Variants in XIRP2 observed in about 807,000 individuals in gnomAD.
XIRP2 encodes xin actin binding repeat containing 2, also known as xin actin-binding repeat-containing protein 2.
XIRP2 carries 236 observed loss-of-function variants against 277.0 expected under a neutral mutation model. The observed-to-expected ratio is 0.85, with a 90% CI of 0.77 to 0.95. The LOEUF (loss-of-function observed/expected upper bound fraction) is 0.95, where lower values mean the gene tolerates loss of function less well. Ranked by LOEUF, XIRP2 falls within the 40% of genes least tolerant of loss-of-function variation. XIRP2 has a pLI of 0.00. For synonymous variants in XIRP2, 1,490 were observed against 1,416.5 expected (o/e 1.05, Z -1.17); for missense variants, 4,640 against 4,157.5 (o/e 1.12, Z -3.19).
At position 167,243,873 on chromosome 2, in the gene XIRP2, C is replaced by G; in HGVS notation, c.2481C>G (p.Ile827Met). ...AAATCAAAGAGTCAGAAGAGGTCATCATTGAAAAGGAAAAAATAATAGGTA... is the reference window on the plus strand; with the variant it reads ...AAATCAAAGAGTCAGAAGAGGTCATGATTGAAAAGGAAAAAATAATAGGTA... ...LEKIKESEEV[I>M]IEKEKIIGTD... The change falls in exon 9 of 11, where the codon ATC becomes ATG. Residue 827 changes from isoleucine (I) to methionine (M), a missense_variant. Coordinates refer to ENST00000409195, the MANE Select transcript of XIRP2 (RefSeq NM_152381.6). The G allele has an allele frequency of 2.5e-6, 4 of 1,613,796 alleles. No homozygotes were observed. Among genetic ancestry groups the G allele is most frequent in the Non-Finnish European group, 3.4e-6 (4 of 1,179,888 alleles).
At chr2:167,257,827 A>G (rs531911347) in intron 10 of XIRP2, 30 bp from the exon 11 acceptor site, 4 of 1,553,662 alleles carry the variant, frequency 2.6e-6, no homozygotes, top group Admixed American at 4.1e-5. Flanking sequence ...GTAAATACGA[A>G]CTGCTAAGTG....
intron 2 of XIRP2, among the ~76,000 whole-genome samples, chr2:167,032,795 C>A (rs777912903): frequency 5.9e-5 from 9 of 152,134 alleles, no homozygotes; most frequent in Non-Finnish European, 1.0e-4. Context: ...CAGGAAACAA[C>A]AGATGCTGGA....
intron 1 of XIRP2, among the ~76,000 whole-genome samples, chr2:166,898,606 T>C (rs181584380): frequency 5.5e-4 from 84 of 152,262 alleles, no homozygotes; most frequent in African/African-American, 2.0e-3. Context: ...TACATAACTA[T>C]AGTACATTAT....
At chr2:166,985,901 G>A in intron 2 of XIRP2, among the ~76,000 whole-genome samples, 1 of 152,132 alleles carries the variant, frequency 6.6e-6, no homozygotes, top group East Asian at 1.9e-4. Context: ...CATCTGGGAA[G>A]AAAAGATACA....
At chr2:166,927,942 AAATGTTAAAG>A (rs1332179446) in intron 2 of XIRP2, among the ~76,000 whole-genome samples, 1 of 152,144 alleles carries the variant, frequency 6.6e-6, no homozygotes, top group Non-Finnish European at 1.5e-5. Flanking sequence ...GGGAAATTAG[AAATGTTAAAG>A]AATGTTAAAG....
intron 3 of XIRP2, among the ~76,000 whole-genome samples, chr2:167,195,549 C>T (rs1321009678): frequency 2.0e-5 from 3 of 152,292 alleles, no homozygotes; most frequent in South Asian, 2.1e-4. Context: ...TGAATCCACT[C>T]ACAGCATCTG....
At chr2:167,157,887 C>T (rs1692246355) in intron 3 of XIRP2, among the ~76,000 whole-genome samples, 2 of 151,788 alleles carry the variant, frequency 1.3e-5, no homozygotes, top group Admixed American at 1.3e-4. Context: ...TGATAACTAT[C>T]TAGTAATTTT....
chr2:166,931,537 G>A (rs1370903823), intron 2 of XIRP2, among the ~76,000 whole-genome samples: 1 of 152,006 alleles, frequency 6.6e-6, no homozygotes, highest in Non-Finnish European at 1.5e-5. Flanking sequence ...ATTCTTTTGT[G>A]TCTATTTTTT....
At chr2:167,137,910 G>A (rs946828811) in intron 3 of XIRP2, among the ~76,000 whole-genome samples, 1 of 152,002 alleles carries the variant, frequency 6.6e-6, no homozygotes. Context: ...CTTTCATGGG[G>A]CCCCAAATTT....
chr2:167,095,419 T>G (rs1690273956), intron 2 of XIRP2, among the ~76,000 whole-genome samples: 1 of 152,202 alleles, frequency 6.6e-6, no homozygotes, highest in African/African-American at 2.4e-5. Context: ...CTTCCAGCTT[T>G]TGCCCATTCA....
At chr2:167,021,830 T>C (rs147271568) in intron 2 of XIRP2, among the ~76,000 whole-genome samples, 1 of 152,114 alleles carries the variant, frequency 6.6e-6, no homozygotes, top group East Asian at 1.9e-4. Context: ...GTCTCAAAAA[T>C]AAAATTTTTT....
chr2:167,006,303 A>C (rs1357016683), intron 2 of XIRP2, among the ~76,000 whole-genome samples: 1 of 151,678 alleles, frequency 6.6e-6, no homozygotes, highest in Non-Finnish European at 1.5e-5. Flanking sequence ...GTAGATGGCA[A>C]AGGAGCCCAC....
intron 2 of XIRP2, among the ~76,000 whole-genome samples, chr2:167,053,904 A>T (rs562274590): frequency 3.3e-4 from 50 of 152,344 alleles, no homozygotes; most frequent in Non-Finnish European, 5.9e-4. Context: ...GAGTGAGAAG[A>T]TGCAAAAAAA....
At chr2:167,149,437 A>G (rs571346341) in intron 3 of XIRP2, among the ~76,000 whole-genome samples, 146 of 152,298 alleles carry the variant, frequency 9.6e-4, no homozygotes, top group African/African-American at 3.3e-3. Context: ...AATTATGCCC[A>G]TGTAAACATC....
intron 1 of XIRP2, among the ~76,000 whole-genome samples, chr2:166,900,696 C>A (rs901532543): frequency 2.0e-5 from 3 of 152,080 alleles, no homozygotes; most frequent in Non-Finnish European, 2.9e-5. Flanking sequence ...TGCCATCACC[C>A]CTGCTGGCTG....
chr2:167,178,815 C>T (rs1477771539), intron 3 of XIRP2, among the ~76,000 whole-genome samples: 1 of 152,024 alleles, frequency 6.6e-6, no homozygotes, highest in East Asian at 1.9e-4. Context: ...CATATCTATT[C>T]GTGTGTTACT....
chr2:166,903,453 T>G lies in XIRP2; in HGVS notation c.-18-12T>G. 6.3e-7 allele frequency: 1 copy of G among 1,584,846 alleles called. No homozygotes were observed. Among genetic ancestry groups the G allele is most frequent in the African/African-American group, 1.3e-5 (1 of 74,148 alleles). ...GAGTGTATCACTGATAAAAGGATTC[T>G]TGATATTGCAGGACAACCTGGACCC... On this transcript the variant is annotated splice_polypyrimidine_tract_variant and intron_variant, in intron 1 of 10. Transcript: ENST00000409195.
chr2:167,053,758 T>G (rs947666298), intron 2 of XIRP2, among the ~76,000 whole-genome samples: 1 of 152,208 alleles, frequency 6.6e-6, no homozygotes, highest in African/African-American at 2.4e-5. Context: ...AATTTGTAAC[T>G]TCCAATTATT....
At chr2:167,221,382 C>T (rs372822732) in intron 5 of XIRP2, among the ~76,000 whole-genome samples, 1 of 150,138 alleles carries the variant, frequency 6.7e-6, no homozygotes, top group East Asian at 2.0e-4. Context: ...ATAGCTTGAG[C>T]CCGGGAGGTG....
Sources: allele counts gnomAD v4.1 joint callset (sites outside exome capture counted in the v4.1 genomes callset), GRCh38; gene constraint gnomAD v4.1.1; transcripts MANE v1.5; gene names NCBI Gene and HGNC (gene_info 2026-07-23, HGNC 2026-07-21).